SNRNP70: variants seen among roughly 807,000 people sequenced by gnomAD.
SNRNP70 encodes small nuclear ribonucleoprotein U1 subunit 70.
In SNRNP70, 8 loss-of-function variants were observed where a neutral mutation model predicts 50.5. The ratio of observed to expected loss-of-function variants is 0.16; its 90% confidence interval spans 0.09 to 0.29. The LOEUF (loss-of-function observed/expected upper bound fraction) is 0.29. Ranked by LOEUF, SNRNP70 falls within the 10% of genes least tolerant of loss-of-function variation. The probability of loss-of-function intolerance (pLI) is 1.00; values close to 1 mark genes in which losing one functional copy is unlikely to be tolerated. For missense variants in SNRNP70, 529 were observed against 663.5 expected (o/e 0.80, Z 2.23); for synonymous variants, 320 against 252.9 (o/e 1.27, Z -2.52).
chr19:49,105,856 A>G (rs961613556), intron 8 of SNRNP70, among the ~76,000 whole-genome samples: 1 of 152,220 alleles, frequency 6.6e-6, no homozygotes, highest in African/African-American at 2.4e-5. Flanking sequence ...GCACTGGCCC[A>G]GCGCAGCAGG....
chr19:49,094,544 G>A lies in SNRNP70; in HGVS notation c.266-3883G>A, dbSNP rs117533352. The stretch of plus-strand genomic sequence containing the variant: ...GGGAGGATAGGGATGAAACAAGTCC[G>A]TCCACGTGTTGATAATGGAAGCGGG... On this transcript the variant is annotated intron_variant, in intron 4 of 9. Transcript: ENST00000598441. 6.2e-4 allele frequency among the ~76,000 whole-genome samples: 94 copies of A among 152,232 alleles called. No homozygotes were observed. In the East Asian group the frequency reaches 0.016, roughly 26 times the overall value.
intron 4 of SNRNP70, among the ~76,000 whole-genome samples, chr19:49,092,449 A>G (rs573311777): frequency 2.9e-5 from 4 of 137,922 alleles, no homozygotes; most frequent in African/African-American, 5.5e-5. Context: ...CGCTCTCTCA[A>G]TCAGGCTGGA....
chr19:49,105,659 G>C (rs571212258), intron 8 of SNRNP70, among the ~76,000 whole-genome samples: 1 of 152,102 alleles, frequency 6.6e-6, no homozygotes, highest in South Asian at 2.1e-4. Flanking sequence ...CTGGGAGGCA[G>C]AGGTTGCAGT....
chr19:49,098,350 C>T (rs1211737961), intron 4 of SNRNP70, 77 bp from the exon 5 acceptor site: 4 of 1,211,144 alleles, frequency 3.3e-6, no homozygotes, highest in Non-Finnish European at 4.8e-6. Flanking sequence ...TCTTCTTGGC[C>T]TCTGCCCATC....
intron 7 of SNRNP70, chr19:49,102,567 G>C (rs2040603097): frequency 1.0e-5 from 2 of 199,132 alleles, no homozygotes; most frequent in Admixed American, 5.3e-5. Flanking sequence ...TTTCTATGGG[G>C]CTGCTACTGT....
chr19:49,087,939 G>C (rs904756012), intron 2 of SNRNP70, among the ~76,000 whole-genome samples: 4 of 152,104 alleles, frequency 2.6e-5, no homozygotes, highest in Non-Finnish European at 5.9e-5. Context: ...TTGCTCTGTT[G>C]CCCAGGCTGG....
At chr19:49,099,598 G>A (rs2040555637) in intron 6 of SNRNP70, among the ~76,000 whole-genome samples, 3 of 151,894 alleles carry the variant, frequency 2.0e-5, no homozygotes, top group Non-Finnish European at 1.5e-5. Context: ...AATTAGCTGG[G>A]CATGATAGCG....
At chr19:49,100,976 T>C (rs764342694) in intron 6 of SNRNP70, among the ~76,000 whole-genome samples, 1 of 152,172 alleles carries the variant, frequency 6.6e-6, no homozygotes, top group Non-Finnish European at 1.5e-5. Flanking sequence ...GGCCTGGCAT[T>C]GGGGCGCTTG....
chr19:49,096,168 C>T (rs1466668014), intron 4 of SNRNP70, among the ~76,000 whole-genome samples: 1 of 151,924 alleles, frequency 6.6e-6, no homozygotes, highest in African/African-American at 2.4e-5. Context: ...AGCAATTCTC[C>T]TGCGTCAGCC....
Position 49,107,819 on chromosome 19 carries a change from C to T in SNRNP70, c.690C>T (p.His230=). The T allele has an allele frequency of 2.5e-6, 4 of 1,597,144 alleles. No individual in the cohort carries two copies. The South Asian group carries it at 4.5e-5, about 18-fold the overall frequency. Residue 230 remains histidine (H), a synonymous_variant, in exon 10 of 10, where the codon CAC becomes CAT. Transcript: ENST00000598441. The surrounding 1 kb of genome is among the most constrained non-coding windows in gnomAD (Gnocchi z 6.0). Reference sequence around the variant, plus strand: ...GGCCCGGCCCCTCCCCGCTTCCGCACAGGGACCGGGACCGGGACCGTGAGC... The same window carrying T: ...GGCCCGGCCCCTCCCCGCTTCCGCATAGGGACCGGGACCGGGACCGTGAGC... ...DERPGPSPLP[H]RDRDRDRERE... is the part of the protein sequence containing the mutation.
chr19:49,091,688 C>T (rs776606522), intron 4 of SNRNP70, among the ~76,000 whole-genome samples: 3 of 152,190 alleles, frequency 2.0e-5, no homozygotes, highest in Non-Finnish European at 2.9e-5. Flanking sequence ...CCTCCAAATC[C>T]TGGAGTGCAG....
chr19:49,086,668 G>T, intron 2 of SNRNP70, 107 bp downstream of exon 2: 4 of 1,023,578 alleles, frequency 3.9e-6, no homozygotes, highest in Admixed American at 1.9e-5. Context: ...TTTAAGCGAG[G>T]GGCTTAACCT....
chr19:49,104,623 A>G lies in SNRNP70; in HGVS notation c.476-11A>G. On this transcript the variant is annotated splice_polypyrimidine_tract_variant and intron_variant, in intron 7 of 9. Transcript: ENST00000598441. This position sits in a 1 kb window ranked among gnomAD's most constrained non-coding sequence, Gnocchi z 5.4. The stretch of plus-strand genomic sequence containing the variant: ...ACTCCTCTCCCCTCCCCCTCCCCAC[A>G]TCTGTTACAGCCGCTTACAAACACG... 1.3e-6 allele frequency: 2 copies of G among 1,550,858 alleles called. No homozygotes were observed. Among genetic ancestry groups the G allele is most frequent in the East Asian group, 4.9e-5 (2 of 41,044 alleles).
At chr19:49,093,684 AAAAAAAAAC>A (rs1433276327) in intron 4 of SNRNP70, among the ~76,000 whole-genome samples, 1 of 140,878 alleles carries the variant, frequency 7.1e-6, no homozygotes, top group African/African-American at 2.5e-5. Flanking sequence ...ATCTCAAAAA[AAAAAAAAAC>A]AAAAAAAAAA....
At chr19:49,090,263 A>G (rs781572669) in intron 2 of SNRNP70, 28 bp from the exon 3 acceptor site, 8 of 1,608,288 alleles carry the variant, frequency 5.0e-6, no homozygotes, top group South Asian at 1.1e-5. Flanking sequence ...AGTCCTTCCC[A>G]CCCTGTCACC....
chr19:49,101,181 A>G, intron 6 of SNRNP70, among the ~76,000 whole-genome samples: 1 of 151,794 alleles, frequency 6.6e-6, no homozygotes, highest in East Asian at 1.9e-4. Flanking sequence ...TTCTTTCTTT[A>G]GGTCTTAGCT....
At chr19:49,101,801 C>T (rs2040591510) in intron 7 of SNRNP70, 2 of 397,828 alleles carry the variant, frequency 5.0e-6, no homozygotes, top group Non-Finnish European at 9.6e-6. Flanking sequence ...GAACCTCCCC[C>T]ATTCCCCCCA....
intron 4 of SNRNP70, among the ~76,000 whole-genome samples, chr19:49,095,175 C>T (rs959117983): frequency 1.3e-5 from 2 of 152,246 alleles, no homozygotes; most frequent in South Asian, 2.1e-4. Context: ...CCCCCCACCC[C>T]GGGTAAGCAA....
In SNRNP70 at chr19:49,107,833, G is replaced by A; in HGVS notation, c.704G>A (p.Arg235Gln). Reference sequence around the variant, plus strand: ...CCGCTTCCGCACAGGGACCGGGACCGGGACCGTGAGCGGGAGCGCAGAGAG... The same window carrying A: ...CCGCTTCCGCACAGGGACCGGGACCAGGACCGTGAGCGGGAGCGCAGAGAG... ...PSPLPHRDRD[R>Q]DRERERRERS... The change falls in exon 10 of 10, where the codon CGG (arginine) becomes CAG (glutamine). Residue 235 changes from arginine (R) to glutamine (Q), a missense_variant. Around this residue, in one of 4 missense-constraint regions of SNRNP70, gnomAD observed 53 missense variants for 78.6 expected, o/e 0.67. Transcript: ENST00000598441. This position sits in a 1 kb window ranked among gnomAD's most constrained non-coding sequence, Gnocchi z 6.0. The A allele has an allele frequency of 6.3e-7, 1 of 1,582,780 alleles. No individual in the cohort carries two copies. Among genetic ancestry groups the A allele is most frequent in the Non-Finnish European group, 8.6e-7 (1 of 1,164,978 alleles).
Sources: allele counts gnomAD v4.1 joint callset (sites outside exome capture counted in the v4.1 genomes callset), GRCh38; gene constraint gnomAD v4.1.1; regional missense constraint gnomAD v4.1.1; non-coding constraint Gnocchi (gnomAD v3.1); transcripts MANE v1.5; gene names NCBI Gene and HGNC (gene_info 2026-07-23, HGNC 2026-07-21).